Variants in MALRD1 observed in about 807,000 individuals in gnomAD.
MALRD1 encodes the protein MAM and LDL-receptor class A domain-containing protein 1.
Under a neutral mutation model 242.1 loss-of-function variants are expected in MALRD1, and 247 were observed. The ratio of observed to expected loss-of-function variants is 1.02; its 90% CI spans 0.92 to 1.13. The LOEUF (loss-of-function observed/expected upper bound fraction) is 1.13, where lower values mean the gene tolerates loss of function less well. Ranked by LOEUF, MALRD1 falls within the 50% of genes most tolerant of loss-of-function variation. MALRD1 has a pLI of 0.00. For missense variants in MALRD1, 2,989 were observed against 2,533.1 expected (o/e 1.18, Z -3.86); for synonymous variants, 995 against 866.6 (o/e 1.15, Z -2.60).
At position 19,347,854 on chromosome 10, in the gene MALRD1, A is replaced by G; in HGVS notation, c.3985A>G (p.Lys1329Glu). 1.3e-6 allele frequency: 2 copies of G among 1,550,414 alleles called. No individual in the cohort carries two copies. Among genetic ancestry groups the G allele is most frequent in the Middle Eastern group, 1.7e-4 (1 of 5,990 alleles). The change falls in exon 25 of 40, where the codon AAA becomes GAA. Residue 1329 changes from lysine (K) to glutamate (E), a missense_variant. Transcript: ENST00000454679. ...EKDEDFDWNL[K>E]ASSIPAAGTE... ...AGATGAGGACTTTGACTGGAACCTG[A>G]AAGCTAGCAGCATCCCTGCAGCAGG...
intron 2 of MALRD1, among the ~76,000 whole-genome samples, chr10:19,069,508 G>T (rs529376504): frequency 6.6e-6 from 1 of 151,966 alleles, no homozygotes; most frequent in Non-Finnish European, 1.5e-5. Context: ...CTACCTATCT[G>T]AGTTTGTCTC....
At chr10:19,288,795 C>T (rs966662771) in intron 21 of MALRD1, among the ~76,000 whole-genome samples, 2 of 152,054 alleles carry the variant, frequency 1.3e-5, no homozygotes, top group African/African-American at 4.8e-5. Flanking sequence ...TTACAGCCCT[C>T]TCCACAGTTA....
chr10:19,211,899 A>G (rs1837089138), intron 18 of MALRD1, among the ~76,000 whole-genome samples: 1 of 152,116 alleles, frequency 6.6e-6, no homozygotes, highest in Non-Finnish European at 1.5e-5. Context: ...GTGTTTGCAT[A>G]AAGAAAAATG....
At chr10:19,227,883 A>G (rs931099773) in intron 18 of MALRD1, among the ~76,000 whole-genome samples, 1 of 152,204 alleles carries the variant, frequency 6.6e-6, no homozygotes, top group African/African-American at 2.4e-5. Flanking sequence ...ATTACATGTC[A>G]TCAGGGAAAT....
chr10:19,688,499 A>G (rs532989065), intron 36 of MALRD1, among the ~76,000 whole-genome samples: 2 of 150,472 alleles, frequency 1.3e-5, no homozygotes, highest in Non-Finnish European at 3.0e-5. Flanking sequence ...GGCCTCAAGT[A>G]ATCCTCCCAC....
chr10:19,679,508 C>T lies in MALRD1; in HGVS notation c.6138-12774C>T, dbSNP rs374124171. ...TTCTGTGGGTTCAGTTGTGATATCCCCTTCATCATTTTTATTGTGTCTATT... is the reference window on the plus strand; with the variant it reads ...TTCTGTGGGTTCAGTTGTGATATCCTCTTCATCATTTTTATTGTGTCTATT... On this transcript the variant is annotated intron_variant, in intron 36 of 39. Coordinates refer to ENST00000454679, the MANE Select transcript of MALRD1 (RefSeq NM_001142308.3). 6.6e-4 allele frequency among the ~76,000 whole-genome samples: 100 copies of T among 152,030 alleles called. No homozygotes were observed. The South Asian group carries it at 0.015, about 23-fold the overall frequency.
intron 36 of MALRD1, among the ~76,000 whole-genome samples, chr10:19,656,659 T>G (rs1430622415): frequency 6.6e-6 from 1 of 152,104 alleles, no homozygotes; most frequent in East Asian, 1.9e-4. Flanking sequence ...GCAAAAACTT[T>G]CCCAATAGAT....
At chr10:19,432,165 A>C (rs1834158952) in intron 28 of MALRD1, among the ~76,000 whole-genome samples, 1 of 152,156 alleles carries the variant, frequency 6.6e-6, no homozygotes. Context: ...CATTCTGAAT[A>C]TAACTTTGTT....
At chr10:19,275,741 G>A (rs916037096) in intron 19 of MALRD1, among the ~76,000 whole-genome samples, 3 of 152,154 alleles carry the variant, frequency 2.0e-5, no homozygotes, top group Non-Finnish European at 4.4e-5. Context: ...GTGACTAGAA[G>A]TGTATTATCG....
At chr10:19,326,403 G>A (rs963582501) in intron 22 of MALRD1, among the ~76,000 whole-genome samples, 1 of 151,956 alleles carries the variant, frequency 6.6e-6, no homozygotes, top group African/African-American at 2.4e-5. Flanking sequence ...TGATATCAAT[G>A]CCTTATTTTT....
intron 33 of MALRD1, among the ~76,000 whole-genome samples, chr10:19,570,031 T>C (rs1289736373): frequency 2.0e-5 from 3 of 151,926 alleles, no homozygotes; most frequent in African/African-American, 7.2e-5. Context: ...TAACATTCAC[T>C]AAAGTATAAA....
intron 18 of MALRD1, among the ~76,000 whole-genome samples, chr10:19,231,049 T>C (rs1326024825): frequency 6.6e-6 from 1 of 152,164 alleles, no homozygotes; most frequent in African/African-American, 2.4e-5. Context: ...TGGCAAATCA[T>C]GCCTCTCAGC....
At chr10:19,158,170 G>C (rs1834247206) in intron 12 of MALRD1, among the ~76,000 whole-genome samples, 2 of 152,218 alleles carry the variant, frequency 1.3e-5, no homozygotes, top group Middle Eastern at 6.8e-3. Context: ...GGATTAATGT[G>C]GGTACTAATA....
chr10:19,264,688 C>T (rs1407821453), intron 19 of MALRD1, among the ~76,000 whole-genome samples: 3 of 152,056 alleles, frequency 2.0e-5, no homozygotes, highest in African/African-American at 7.2e-5. Flanking sequence ...CTCCTGGCCT[C>T]GTTATCCGCC....
At position 19,478,911 on chromosome 10, in the gene MALRD1, C is replaced by T. The variant is rs191458114; in HGVS notation, c.5030-12606C>T. ...GAGCCTTTTTAGCAACCATTCTTAACTGTAAAATATTCTAAGAATCATTTT... is the reference window on the plus strand; with the variant it reads ...GAGCCTTTTTAGCAACCATTCTTAATTGTAAAATATTCTAAGAATCATTTT... On this transcript the variant is annotated intron_variant, in intron 29 of 39. Coordinates refer to ENST00000454679, the MANE Select transcript of MALRD1 (RefSeq NM_001142308.3). Among the ~76,000 whole-genome samples the T allele has an allele frequency of 2.3e-4, 35 of 152,304 alleles. No homozygotes were observed. The East Asian group carries it at 6.4e-3, about 28-fold the overall frequency.
chr10:19,572,392 T>C (rs529980339), intron 33 of MALRD1, among the ~76,000 whole-genome samples: 8 of 152,314 alleles, frequency 5.3e-5, no homozygotes, highest in African/African-American at 1.7e-4. Flanking sequence ...TGTTAGGACA[T>C]TGATACTTTT....
intron 14 of MALRD1, among the ~76,000 whole-genome samples, chr10:19,190,683 G>A (rs1490158906): frequency 1.3e-5 from 2 of 148,822 alleles, no homozygotes; most frequent in Non-Finnish European, 3.0e-5. Context: ...TTTGGCAAAG[G>A]TACCAACACC....
intron 29 of MALRD1, among the ~76,000 whole-genome samples, chr10:19,490,576 G>C (rs1375626131): frequency 1.3e-5 from 2 of 149,328 alleles, no homozygotes; most frequent in Non-Finnish European, 3.0e-5. Flanking sequence ...AGGTGGGTGG[G>C]GGAAATGGCA....
At chr10:19,252,317 G>T (rs1223584771) in intron 18 of MALRD1, among the ~76,000 whole-genome samples, 1 of 152,018 alleles carries the variant, frequency 6.6e-6, no homozygotes, top group African/African-American at 2.4e-5. Flanking sequence ...CAGCCCAAGG[G>T]CCACCATTTA....
Sources: allele counts gnomAD v4.1 joint callset (sites outside exome capture counted in the v4.1 genomes callset), GRCh38; gene constraint gnomAD v4.1.1; transcripts MANE v1.5; gene names NCBI Gene and HGNC (gene_info 2026-07-23, HGNC 2026-07-21).